The following NRXN1 variants were observed in gnomAD, a reference collection of about 807,000 sequenced individuals.
NRXN1 encodes the protein neurexin-1.
NRXN1 carries 39 observed loss-of-function variants against 150.9 expected under a neutral mutation model. The observed-to-expected ratio is 0.26, with a 90% CI of 0.20 to 0.34. The LOEUF (loss-of-function observed/expected upper bound fraction) is 0.34, where lower values mean the gene tolerates loss of function less well. Among genes scored for constraint, NRXN1 ranks in the 10% least tolerant of loss-of-function variants. The pLI is 1.00. For synonymous variants in NRXN1, 924 were observed against 757.0 expected, an observed-to-expected ratio of 1.22 and a Z score of -3.62; for missense variants, 1,815 against 1,949.9, an observed-to-expected ratio of 0.93 and a Z score of 1.30.
chr2:50,101,948 C>T (rs559021626), intron 18 of NRXN1, among the ~76,000 whole-genome samples: 3 of 152,016 alleles, frequency 2.0e-5, no homozygotes, highest in South Asian at 2.1e-4. Context: ...TTTTTCTTTT[C>T]GTTTTCTCTT....
intron 17 of NRXN1, among the ~76,000 whole-genome samples, chr2:50,353,999 C>T (rs921036284): frequency 1.3e-5 from 2 of 152,070 alleles, no homozygotes; most frequent in African/African-American, 4.8e-5. Context: ...TGCCAAGGTC[C>T]TTATTTCAGG....
At chr2:50,105,171 A>G (rs1701466726) in intron 18 of NRXN1, 1 of 151,962 alleles carries the variant, frequency 6.6e-6, no homozygotes, top group East Asian at 1.9e-4. Context: ...AGAGCTCTAG[A>G]CGCTTACCAT....
intron 21 of NRXN1, among the ~76,000 whole-genome samples, chr2:50,050,014 T>C (rs1692442838): frequency 6.6e-6 from 1 of 152,044 alleles, no homozygotes; most frequent in African/African-American, 2.4e-5. Context: ...ACATAAAAAG[T>C]ACTATCAATA....
chr2:50,976,262 G>C (rs529095624), intron 2 of NRXN1, among the ~76,000 whole-genome samples: 1 of 150,498 alleles, frequency 6.6e-6, no homozygotes, highest in African/African-American at 2.4e-5. Flanking sequence ...GCAACTAAGT[G>C]GGGATTCTTT....
At chr2:50,658,183 A>G (rs1686766206) in intron 5 of NRXN1, among the ~76,000 whole-genome samples, 1 of 151,864 alleles carries the variant, frequency 6.6e-6, no homozygotes, top group African/African-American at 2.4e-5. Flanking sequence ...AAACCCCTAC[A>G]TTTGCATAGG....
chr2:50,685,228 C>T (rs1288585899), intron 5 of NRXN1, among the ~76,000 whole-genome samples: 1 of 152,044 alleles, frequency 6.6e-6, no homozygotes, highest in Non-Finnish European at 1.5e-5. Flanking sequence ...GCCTGTTTTT[C>T]TTTTGCTCTG....
At chr2:50,186,160 T>G (rs1397264394) in intron 18 of NRXN1, among the ~76,000 whole-genome samples, 1 of 152,084 alleles carries the variant, frequency 6.6e-6, no homozygotes, top group Non-Finnish European at 1.5e-5. Context: ...ACAAATAAAA[T>G]GGCTCTTGTG....
intron 21 of NRXN1, among the ~76,000 whole-genome samples, chr2:49,954,958 A>G (rs1273128835): frequency 1.3e-5 from 2 of 152,202 alleles, no homozygotes; most frequent in African/African-American, 4.8e-5. Flanking sequence ...CCTGGCTTAT[A>G]TTCTTAAAGC....
At chr2:50,946,594 G>C (rs1690431277) in intron 2 of NRXN1, among the ~76,000 whole-genome samples, 1 of 151,862 alleles carries the variant, frequency 6.6e-6, no homozygotes, top group Non-Finnish European at 1.5e-5. Context: ...CACTCATTTA[G>C]GTATTTACTT....
chr2:50,933,515 A>G (rs1168586145), intron 2 of NRXN1, among the ~76,000 whole-genome samples: 1 of 152,108 alleles, frequency 6.6e-6, no homozygotes, highest in Non-Finnish European at 1.5e-5. Flanking sequence ...TTGGAAAAAA[A>G]GTGTTTTGTG....
chr2:50,410,187 T>C (rs1445563042), intron 17 of NRXN1, among the ~76,000 whole-genome samples: 2 of 152,060 alleles, frequency 1.3e-5, no homozygotes, highest in Non-Finnish European at 2.9e-5. Flanking sequence ...TTCACCAGGA[T>C]AGAGTGAAGA....
chr2:50,881,614 G>C lies in NRXN1; in HGVS notation c.832+40255C>G, dbSNP rs572619454. Among the ~76,000 whole-genome samples the C allele has an allele frequency of 2.1e-3, 322 of 151,992 alleles. 2 individuals carry two copies. The highest frequency in any genetic ancestry group is 3.9e-3 in the Non-Finnish European group (263 of 67,886). Reference sequence around the variant, plus strand: ...CTACCCACAAGGACTTCTGAATTATGGAAAGTGAGGTCTAGACAAGATCAA... The same window carrying C: ...CTACCCACAAGGACTTCTGAATTATCGAAAGTGAGGTCTAGACAAGATCAA... On this transcript the variant is annotated intron_variant, in intron 5 of 22. Transcript: ENST00000401669.
chr2:51,031,717 G>C (rs1471311347), intron 1 of NRXN1, among the ~76,000 whole-genome samples: 1 of 152,042 alleles, frequency 6.6e-6, no homozygotes, highest in Non-Finnish European at 1.5e-5. Flanking sequence ...TTGATATCTA[G>C]CCTGTCTCTT....
At chr2:50,958,222 G>A (rs976790988) in intron 2 of NRXN1, among the ~76,000 whole-genome samples, 1 of 152,054 alleles carries the variant, frequency 6.6e-6, no homozygotes, top group African/African-American at 2.4e-5. Context: ...GTTCAACAGA[G>A]AAGACAGCTG....
At chr2:50,359,506 C>T (rs2079044047) in intron 17 of NRXN1, among the ~76,000 whole-genome samples, 1 of 151,432 alleles carries the variant, frequency 6.6e-6, no homozygotes, top group Non-Finnish European at 1.5e-5. Flanking sequence ...GAAGGGATAT[C>T]AGAGATTGAC....
intron 21 of NRXN1, among the ~76,000 whole-genome samples, chr2:49,948,418 T>A (rs1673338590): frequency 6.6e-6 from 1 of 152,064 alleles, no homozygotes; most frequent in Admixed American, 6.6e-5. Context: ...GACCCTTTTG[T>A]AAAACTATAT....
chr2:50,174,965 C>T (rs2060260879), intron 18 of NRXN1: 1 of 152,114 alleles, frequency 6.6e-6, no homozygotes, highest in Non-Finnish European at 1.5e-5. Context: ...ACTATATTAC[C>T]CACATGACCT....
chr2:49,994,147 C>A (rs1682515102), intron 21 of NRXN1, among the ~76,000 whole-genome samples: 1 of 152,172 alleles, frequency 6.6e-6, no homozygotes, highest in African/African-American at 2.4e-5. Context: ...TACGGGGGTG[C>A]TCCTCCTTAA....
chr2:50,702,271 A>G (rs1693846173), intron 5 of NRXN1, among the ~76,000 whole-genome samples: 1 of 152,044 alleles, frequency 6.6e-6, no homozygotes, highest in African/African-American at 2.4e-5. Flanking sequence ...GATAACATAG[A>G]TGAGCATCCT....
Sources: gnomAD v4.1 joint callset for allele counts (sites outside exome capture counted in the v4.1 genomes callset) on GRCh38, gnomAD v4.1.1 for gene constraint, MANE v1.5 for transcripts, NCBI Gene and HGNC (gene_info 2026-07-23, HGNC 2026-07-21) for gene names.